L3MBTL3: variants seen among roughly 807,000 people sequenced by gnomAD.
The protein encoded by L3MBTL3 is lethal(3)malignant brain tumor-like protein 3.
A neutral mutation model predicts 102.3 loss-of-function variants in L3MBTL3; 27 were observed. The observed-to-expected ratio is 0.26, with a 90% CI of 0.19 to 0.36. The LOEUF (loss-of-function observed/expected upper bound fraction) is 0.36. L3MBTL3 is among the 10% of genes least tolerant of loss of function. The pLI, the probability that L3MBTL3 is intolerant of heterozygous loss-of-function variation, is 1.00. For synonymous variants in L3MBTL3, 340 were observed against 320.9 expected (o/e 1.06, Z -0.64); for missense variants, 798 against 955.3 (o/e 0.84, Z 2.17).
At chr6:130,138,910 A>G (rs1048871384) in intron 22 of L3MBTL3, among the ~76,000 whole-genome samples, 6 of 152,148 alleles carry the variant, frequency 3.9e-5, no homozygotes, top group Non-Finnish European at 8.8e-5. Flanking sequence ...CTTCTAGAGA[A>G]TAGTAGCCTA....
chr6:130,124,035 G>A (rs543742428), intron 20 of L3MBTL3, among the ~76,000 whole-genome samples: 27 of 152,186 alleles, frequency 1.8e-4, no homozygotes, highest in Non-Finnish European at 3.7e-4. Flanking sequence ...AAAGAAGCAG[G>A]ATTGGGCAGA....
intron 13 of L3MBTL3, among the ~76,000 whole-genome samples, chr6:130,077,901 G>C (rs1783060549): frequency 6.6e-6 from 1 of 152,096 alleles, no homozygotes; most frequent in Admixed American, 6.6e-5. Flanking sequence ...ATGTTAATAG[G>C]CTGAAACATG....
chr6:130,087,007 T>TA (rs1206854444), intron 16 of L3MBTL3, among the ~76,000 whole-genome samples: 1 of 152,208 alleles, frequency 6.6e-6, no homozygotes, highest in Non-Finnish European at 1.5e-5. Flanking sequence ...TATACATTGT[T>TA]ATCACTTTTA....
chr6:130,028,994 C>T (rs1342508989), intron 2 of L3MBTL3, among the ~76,000 whole-genome samples: 2 of 152,170 alleles, frequency 1.3e-5, no homozygotes, highest in African/African-American at 2.4e-5. Context: ...CTTCCATTCC[C>T]CTCCAGTAGT....
rs139780275 is a variant in L3MBTL3, at chr6:130,109,912, A to G, written c.1886+5337A>G. Among the ~76,000 whole-genome samples the G allele has an allele frequency of 1.2e-3, 185 of 152,288 alleles. 2 individuals are homozygous for G. Among genetic ancestry groups the G allele is most frequent in the South Asian group, 4.8e-3 (23 of 4,826 alleles). On this transcript the variant is annotated intron_variant, in intron 19 of 22. Coordinates refer to ENST00000361794, the MANE Select transcript of L3MBTL3 (RefSeq NM_032438.4). ...AAGGAGTCCAGTTTCTGTTTTCTGC[A>G]TATGGCTAGCCAGTTTTCCCAGCAC...
chr6:130,138,052 A>G (rs1787892940), intron 22 of L3MBTL3: 1 of 152,198 alleles, frequency 6.6e-6, no homozygotes, highest in Admixed American at 6.5e-5. Context: ...TTTTCCACAT[A>G]ATTGTTACTT....
intron 15 of L3MBTL3, 79 bp from the exon 16 acceptor site, chr6:130,086,061 C>T (rs1471489449): frequency 1.1e-5 from 9 of 839,956 alleles, no homozygotes; most frequent in Non-Finnish European, 1.5e-5. Flanking sequence ...CCAGCTTTTT[C>T]TTCTTCTTCT....
chr6:130,064,936 G>A (rs1411162836), intron 10 of L3MBTL3, among the ~76,000 whole-genome samples: 1 of 152,122 alleles, frequency 6.6e-6, no homozygotes, highest in Non-Finnish European at 1.5e-5. Context: ...CTTAGGATCG[G>A]CCAGATATAG....
rs527295306 is a variant in L3MBTL3, at chr6:130,035,484, C to T, written c.-15-7201C>T. Among the ~76,000 whole-genome samples the T allele has an allele frequency of 3.3e-5, 5 of 152,304 alleles. No homozygotes were observed. In the East Asian group the frequency reaches 5.8e-4, roughly 18 times the overall value. Reference sequence around the variant, plus strand: ...TGTCGTATGTCATTTAGTCTGTTCTCCAGCCCTTTTGTTGGAGGCTGAGGG... The same window carrying T: ...TGTCGTATGTCATTTAGTCTGTTCTTCAGCCCTTTTGTTGGAGGCTGAGGG... On this transcript the variant is annotated intron_variant, in intron 2 of 22. Coordinates refer to ENST00000361794, the MANE Select transcript of L3MBTL3 (RefSeq NM_032438.4).
At chr6:130,049,660 G>A in intron 4 of L3MBTL3, 96 bp from the exon 5 acceptor site, 1 of 1,399,552 alleles carries the variant, frequency 7.1e-7, no homozygotes, top group Non-Finnish European at 1.0e-6. Context: ...GCCTACACAG[G>A]TGATTTAGCC....
Position 130,108,220 on chromosome 6 carries a change from G to GTTTTTTTTTTT in L3MBTL3, c.1886+3655_1886+3656insTTTTTTTTTTT, listed in dbSNP as rs376419261. Among the ~76,000 whole-genome samples, 16 of 118,714 alleles carry GTTTTTTTTTTT rather than the reference G, an allele frequency of 1.3e-4. 4 individuals are homozygous for GTTTTTTTTTTT. Among genetic ancestry groups the GTTTTTTTTTTT allele is most frequent in the South Asian group, 2.6e-4 (1 of 3,782 alleles). The allele number at this position is 118,714 out of a possible 152,430, so 77.9% of individuals were successfully genotyped here. A position where few individuals can be genotyped will look rare whatever the true frequency, so the allele number is the denominator to read the frequency against. On this transcript the variant is annotated intron_variant, in intron 19 of 22. Coordinates refer to ENST00000361794, the MANE Select transcript of L3MBTL3 (RefSeq NM_032438.4). ...ATAAGCCCTCAATAAATGTTAGGTG[G>GTTTTTTTTTTT]TTTTTTTTTTGTTTTTTTTTTTTTT...
intron 10 of L3MBTL3, among the ~76,000 whole-genome samples, chr6:130,062,595 A>G (rs982118930): frequency 4.1e-5 from 6 of 147,958 alleles, no homozygotes; most frequent in South Asian, 2.2e-4. Flanking sequence ...GGGTCCTGCA[A>G]TGTTGCTCAG....
At chr6:130,135,794 G>A (rs1378815625) in intron 22 of L3MBTL3, among the ~76,000 whole-genome samples, 1 of 152,152 alleles carries the variant, frequency 6.6e-6, no homozygotes, top group African/African-American at 2.4e-5. Flanking sequence ...CCGACCATGA[G>A]TATGTTACTT....
At chr6:130,126,788 T>TC (rs1786636259) in intron 20 of L3MBTL3, among the ~76,000 whole-genome samples, 2 of 151,902 alleles carry the variant, frequency 1.3e-5, no homozygotes, top group Admixed American at 1.3e-4. Context: ...CTCTGAAGGT[T>TC]CACTGAGATG....
At chr6:130,046,135 C>T (rs1400953639) in intron 3 of L3MBTL3, among the ~76,000 whole-genome samples, 2 of 152,044 alleles carry the variant, frequency 1.3e-5, no homozygotes, top group South Asian at 2.1e-4. Context: ...AGAATTATTC[C>T]TCTGGGTCAT....
chr6:130,019,352 G>A (rs1426418284), intron 1 of L3MBTL3: 7 of 146,500 alleles, frequency 4.8e-5, no homozygotes, highest in Admixed American at 3.4e-4. Flanking sequence ...TCGGTGCGGC[G>A]GGAGGCGCGA....
At chr6:130,106,736 G>A (rs942042315) in intron 19 of L3MBTL3, among the ~76,000 whole-genome samples, 4 of 152,052 alleles carry the variant, frequency 2.6e-5, no homozygotes, top group African/African-American at 9.7e-5. Flanking sequence ...CTTCCATCCT[G>A]ACTCACATTT....
In L3MBTL3 at chr6:130,092,745, G is replaced by A. The variant is rs772818740; in HGVS notation, c.1519G>A (p.Val507Ile). The stretch of plus-strand genomic sequence containing the variant: ...CTGTTAATGTCCTTGTGTCATCCAG[G>A]TTCACTTTGATGGCTGGAACAATTG... ...VADTDDHRVK[V>I]HFDGWNNCYD... is the part of the protein sequence containing the mutation. The change falls in exon 17 of 23, where the codon GTT (valine) becomes ATT (isoleucine). Residue 507 changes from valine to isoleucine, a missense_variant and splice_region_variant. Coordinates refer to ENST00000361794, the MANE Select transcript of L3MBTL3 (RefSeq NM_032438.4). 6.3e-7 allele frequency: 1 copy of A among 1,596,380 alleles called. No homozygotes were observed. Among genetic ancestry groups the A allele is most frequent in the East Asian group, 2.2e-5 (1 of 44,756 alleles).
At chr6:130,082,247 A>G (rs1783414324) in intron 14 of L3MBTL3, among the ~76,000 whole-genome samples, 1 of 152,180 alleles carries the variant, frequency 6.6e-6, no homozygotes, top group Non-Finnish European at 1.5e-5. Flanking sequence ...GAGACTGTGT[A>G]TCTTGTCCCA....
Sources: gnomAD v4.1 joint callset for allele counts (sites outside exome capture counted in the v4.1 genomes callset) on GRCh38, gnomAD v4.1.1 for gene constraint, MANE v1.5 for transcripts, NCBI Gene and HGNC (gene_info 2026-07-23, HGNC 2026-07-21) for gene names.